KCTD16: variants seen among roughly 807,000 people sequenced by gnomAD.
KCTD16 encodes the protein potassium channel tetramerization domain containing 16, also known as BTB/POZ domain-containing protein KCTD16.
Under a neutral mutation model 33.2 loss-of-function variants are expected in KCTD16, and 13 were observed. The observed-to-expected ratio is 0.39, with a 90% CI of 0.25 to 0.62. The LOEUF is 0.62. Ranked by LOEUF, KCTD16 falls within the 20% of genes least tolerant of loss-of-function variation. KCTD16 has a pLI of 0.50. For synonymous variants in KCTD16, 197 were observed against 195.3 expected (o/e 1.01, Z -0.07); for missense variants, 441 against 525.1 (o/e 0.84, Z 1.57).
intron 3 of KCTD16, among the ~76,000 whole-genome samples, chr5:144,367,737 G>A (rs1467500267): frequency 6.7e-6 from 1 of 148,904 alleles, no homozygotes; most frequent in East Asian, 2.0e-4. Context: ...GGGGATTCAT[G>A]TGCAGGTTTG....
At chr5:144,353,353 C>G (rs1036656513) in intron 3 of KCTD16, among the ~76,000 whole-genome samples, 3 of 152,102 alleles carry the variant, frequency 2.0e-5, no homozygotes, top group Non-Finnish European at 2.9e-5. Flanking sequence ...GGGAGTGGAG[C>G]TGGAAGAAGT....
chr5:144,208,992 C>T (rs544081286), intron 3 of KCTD16, among the ~76,000 whole-genome samples: 10 of 152,214 alleles, frequency 6.6e-5, no homozygotes, highest in East Asian at 1.9e-4. Flanking sequence ...GATAAGATTC[C>T]GGCTTTTTAG....
intron 3 of KCTD16, among the ~76,000 whole-genome samples, chr5:144,250,317 A>G (rs1395188885): frequency 6.6e-6 from 1 of 152,190 alleles, no homozygotes; most frequent in Admixed American, 6.5e-5. Context: ...CTCTTTCTGC[A>G]ATCATCTGCT....
chr5:144,405,480 T>A (rs1485859991), intron 3 of KCTD16, among the ~76,000 whole-genome samples: 1 of 152,230 alleles, frequency 6.6e-6, no homozygotes, highest in Non-Finnish European at 1.5e-5. Context: ...TTCTCTTCAG[T>A]AGAGATGGAG....
At chr5:144,276,347 A>G (rs1755437357) in intron 3 of KCTD16, among the ~76,000 whole-genome samples, 1 of 152,202 alleles carries the variant, frequency 6.6e-6, no homozygotes, top group African/African-American at 2.4e-5. Context: ...TTAGTATTAT[A>G]TTCACAGTTT....
chr5:144,287,585 G>A (rs7737526), intron 3 of KCTD16, among the ~76,000 whole-genome samples: 51,766 of 151,890 alleles, frequency 0.34, 9,639 homozygotes, highest in African/African-American at 0.49. Flanking sequence ...TAATCTCAAG[G>A]TCAACTCCCA....
At chr5:144,217,100 G>C (rs534072422) in intron 3 of KCTD16, among the ~76,000 whole-genome samples, 1 of 152,302 alleles carries the variant, frequency 6.6e-6, no homozygotes, top group African/African-American at 2.4e-5. Flanking sequence ...CTCTTGACTT[G>C]GAGAAGAGTT....
intron 3 of KCTD16, among the ~76,000 whole-genome samples, chr5:144,366,317 T>C (rs1353925807): frequency 6.6e-6 from 1 of 152,220 alleles, no homozygotes; most frequent in Non-Finnish European, 1.5e-5. Flanking sequence ...TGTTGATCTG[T>C]GGATCCCAAA....
Position 144,414,290 on chromosome 5 carries a change from A to C in KCTD16, c.833-59370A>C, listed in dbSNP as rs140528670. ...AAAATAGGTCTAGCCTCTGATTAATAGTATAAAAAGTGCTACATACCCTCA... is the reference window on the plus strand; with the variant it reads ...AAAATAGGTCTAGCCTCTGATTAATCGTATAAAAAGTGCTACATACCCTCA... On this transcript the variant is annotated intron_variant, in intron 3 of 3. Coordinates refer to ENST00000512467, the MANE Select transcript of KCTD16 (RefSeq NM_020768.4). Among the ~76,000 whole-genome samples the C allele has an allele frequency of 3.7e-3, 560 of 152,322 alleles. 2 individuals are homozygous for C. Among genetic ancestry groups the C allele is most frequent in the Non-Finnish European group, 4.7e-3 (322 of 68,042 alleles).
At chr5:144,330,011 A>G (rs1752311722) in intron 3 of KCTD16, among the ~76,000 whole-genome samples, 1 of 152,228 alleles carries the variant, frequency 6.6e-6, no homozygotes. Flanking sequence ...CACCAAGTCC[A>G]TTAAAGTAGG....
At chr5:144,286,552 G>A (rs974015885) in intron 3 of KCTD16, among the ~76,000 whole-genome samples, 1 of 152,126 alleles carries the variant, frequency 6.6e-6, no homozygotes, top group Non-Finnish European at 1.5e-5. Flanking sequence ...CTGCTGTGAG[G>A]GATGTTACTA....
rs567705940 is a variant in KCTD16, at chr5:144,408,553, C to T, written c.833-65107C>T. Among the ~76,000 whole-genome samples the T allele has an allele frequency of 3.3e-5, 5 of 152,326 alleles. No homozygotes were observed. The South Asian group carries it at 1.0e-3, about 32-fold the overall frequency. On this transcript the variant is annotated intron_variant, in intron 3 of 3. Coordinates refer to ENST00000512467, the MANE Select transcript of KCTD16 (RefSeq NM_020768.4). ...TTGTTACATTAATTCCCCAAATTTT[C>T]ACCCTGATCTGTGTAAGTCTACCAT...
chr5:144,312,366 A>G (rs567087399), intron 3 of KCTD16, among the ~76,000 whole-genome samples: 1 of 152,282 alleles, frequency 6.6e-6, no homozygotes, highest in African/African-American at 2.4e-5. Flanking sequence ...AGGAAAAATA[A>G]AAGTGACTTC....
rs1755485098 is a variant in KCTD16 at position 144,277,988 on chromosome 5, A to G, written c.832+70442A>G. ...CTCCCAACATGTAGCTAGTCTTTTCATTTGCTAAATTTCTACGAGCAAAAG... is the reference window on the plus strand; with the variant it reads ...CTCCCAACATGTAGCTAGTCTTTTCGTTTGCTAAATTTCTACGAGCAAAAG... On this transcript the variant is annotated intron_variant, in intron 3 of 3. Transcript: ENST00000512467. 2.0e-5 allele frequency among the ~76,000 whole-genome samples: 3 copies of G among 152,076 alleles called. No individual in the cohort carries two copies. The South Asian group carries it at 6.2e-4, about 32-fold the overall frequency.
At chr5:144,224,380 T>TGC (rs1753860761) in intron 3 of KCTD16, among the ~76,000 whole-genome samples, 1 of 88,702 alleles carries the variant, frequency 1.1e-5, no homozygotes, top group South Asian at 4.3e-4. Flanking sequence ...ATCAATATAA[T>TGC]GTGTTTTTTT....
At chr5:144,368,496 A>G (rs1260431633) in intron 3 of KCTD16, among the ~76,000 whole-genome samples, 1 of 152,178 alleles carries the variant, frequency 6.6e-6, no homozygotes, top group Non-Finnish European at 1.5e-5. Context: ...AGGAAACAGG[A>G]AACTCAGACC....
In KCTD16 at chr5:144,476,191, T is replaced by C. The variant is rs941138978; in HGVS notation, c.*2077T>C. ...GAGCTTAATGGGTCAAGAAGTTGAA[T>C]TTGGGGAAAATATCCTGAAACTCAC... On this transcript the variant is annotated 3_prime_UTR_variant, in exon 4 of 4. Coordinates refer to ENST00000512467, the MANE Select transcript of KCTD16 (RefSeq NM_020768.4). The C allele has an allele frequency of 3.9e-5, 6 of 152,166 alleles. No individual in the cohort carries two copies. Among genetic ancestry groups the C allele is most frequent in the African/African-American group, 1.4e-4 (6 of 41,432 alleles). The allele number at this position is 152,166 out of a possible 1,614,324, so 9.4% of individuals were successfully genotyped here. A position where few individuals can be genotyped will look rare whatever the true frequency, so the allele number is the denominator to read the frequency against.
chr5:144,231,307 A>T (rs369814431), intron 3 of KCTD16, among the ~76,000 whole-genome samples: 38 of 152,236 alleles, frequency 2.5e-4, no homozygotes, highest in African/African-American at 8.4e-4. Context: ...TTGATTAAAA[A>T]TATAGTGAGC....
intron 3 of KCTD16, among the ~76,000 whole-genome samples, chr5:144,309,924 T>A (rs1751714787): frequency 6.6e-6 from 1 of 152,210 alleles, no homozygotes; most frequent in Non-Finnish European, 1.5e-5. Flanking sequence ...TAGTTTTACA[T>A]GGTGTCATTG....
Sources: allele counts gnomAD v4.1 joint callset (sites outside exome capture counted in the v4.1 genomes callset), GRCh38; gene constraint gnomAD v4.1.1; transcripts MANE v1.5; gene names NCBI Gene and HGNC (gene_info 2026-07-23, HGNC 2026-07-21).